Variants in ARB2A observed in about 807,000 individuals in gnomAD.
ARB2A encodes the protein cotranscriptional regulator ARB2A.
chr5:94,104,425 C>G, the ARB2A span, among the ~76,000 whole-genome samples: 2 of 151,312 alleles, frequency 1.3e-5, no homozygotes, highest in African/African-American at 4.8e-5. Flanking sequence ...GGATAAGTTC[C>G]TCAAAACATA....
the ARB2A span, among the ~76,000 whole-genome samples, chr5:93,753,393 C>T: frequency 6.6e-6 from 1 of 152,204 alleles, no homozygotes; most frequent in Non-Finnish European, 1.5e-5. Context: ...AAACAGTCAA[C>T]CTGGACTATT....
chr5:93,757,977 CAACT>C, the ARB2A span, among the ~76,000 whole-genome samples: 9 of 152,154 alleles, frequency 5.9e-5, no homozygotes, highest in Non-Finnish European at 1.0e-4. Context: ...ACTCACCAAC[CAACT>C]ATCTGCTGCC....
chr5:93,814,333 A>G, the ARB2A span, among the ~76,000 whole-genome samples: 2 of 152,194 alleles, frequency 1.3e-5, no homozygotes, highest in Non-Finnish European at 2.9e-5. Context: ...TACCAGTTAA[A>G]AAAAGAATTC....
the ARB2A span, among the ~76,000 whole-genome samples, chr5:93,636,266 C>G: frequency 6.6e-6 from 1 of 152,156 alleles, no homozygotes; most frequent in African/African-American, 2.4e-5. Context: ...TGGAATTGTT[C>G]TAAAGCCCAG....
At chr5:93,714,409 A>G in the ARB2A span, among the ~76,000 whole-genome samples, 1 of 152,204 alleles carries the variant, frequency 6.6e-6, no homozygotes, top group African/African-American at 2.4e-5. Flanking sequence ...ATGCTTCCCA[A>G]CACTTCAGAA....
chr5:93,988,169 G>A, the ARB2A span, among the ~76,000 whole-genome samples: 1 of 152,062 alleles, frequency 6.6e-6, no homozygotes, highest in African/African-American at 2.4e-5. Flanking sequence ...CCTTGCTTCT[G>A]TAATCTCCTA....
At chr5:93,913,270 G>A in the ARB2A span, among the ~76,000 whole-genome samples, 1 of 151,928 alleles carries the variant, frequency 6.6e-6, no homozygotes, top group African/African-American at 2.4e-5. Flanking sequence ...TTTTCTGTCG[G>A]CCAGGAGAAA....
the ARB2A span, among the ~76,000 whole-genome samples, chr5:94,109,699 C>T: frequency 7.9e-5 from 12 of 152,300 alleles, no homozygotes; most frequent in Admixed American, 2.6e-4. Context: ...AAACACGCTC[C>T]TGTCTCAGTG....
chr5:93,861,419 A>G, the ARB2A span: 1 of 148,144 alleles, frequency 6.8e-6, no homozygotes, highest in South Asian at 2.1e-4. Flanking sequence ...TAACTGGATT[A>G]TGTACCACTT....
At chr5:93,622,086 A>C in the ARB2A span, among the ~76,000 whole-genome samples, 2 of 152,248 alleles carry the variant, frequency 1.3e-5, no homozygotes, top group Non-Finnish European at 2.9e-5. Flanking sequence ...TGCAAGCATA[A>C]GAACAGATGA....
At chr5:93,975,973 G>A in the ARB2A span, among the ~76,000 whole-genome samples, 6 of 152,038 alleles carry the variant, frequency 3.9e-5, no homozygotes, top group Non-Finnish European at 8.8e-5. Context: ...CTGATGAACA[G>A]AGACCAATCA....
the ARB2A span, among the ~76,000 whole-genome samples, chr5:94,085,260 A>G: frequency 6.6e-6 from 1 of 152,226 alleles, no homozygotes; most frequent in Non-Finnish European, 1.5e-5. Context: ...ATAACAAATT[A>G]CCTCAAAACA....
the ARB2A span, among the ~76,000 whole-genome samples, chr5:93,640,616 TTATATACA>T: frequency 6.7e-6 from 1 of 150,184 alleles, no homozygotes; most frequent in African/African-American, 2.5e-5. Flanking sequence ...GTATATATAC[TTATATACA>T]TATGTGTGTG....
At chr5:93,886,984 C>T in the ARB2A span, among the ~76,000 whole-genome samples, 2 of 151,676 alleles carry the variant, frequency 1.3e-5, no homozygotes, top group South Asian at 2.1e-4. Flanking sequence ...CTTCAAATAG[C>T]TCATCAAGTT....
the ARB2A span, among the ~76,000 whole-genome samples, chr5:94,061,355 A>G: frequency 6.6e-6 from 1 of 152,356 alleles, no homozygotes; most frequent in East Asian, 1.9e-4. Flanking sequence ...AACTAACGTA[A>G]TGCTTAATAG....
chr5:93,771,687 CA>C, the ARB2A span, among the ~76,000 whole-genome samples: 11 of 152,098 alleles, frequency 7.2e-5, no homozygotes, highest in African/African-American at 2.2e-4. Context: ...TTTATGCAGC[CA>C]AAAAACACAT....
At chr5:93,878,076 A>G in the ARB2A span, among the ~76,000 whole-genome samples, 18 of 148,984 alleles carry the variant, frequency 1.2e-4, no homozygotes, top group Admixed American at 1.1e-3. Context: ...ACCTTATACC[A>G]TTAATTTTTG....
chr5:93,671,282 G>A, the ARB2A span, among the ~76,000 whole-genome samples: 2 of 151,958 alleles, frequency 1.3e-5, no homozygotes, highest in African/African-American at 4.8e-5. Flanking sequence ...CATCCATTTT[G>A]TAATCAACTA....
chr5:93,727,104 A>T, the ARB2A span, among the ~76,000 whole-genome samples: 286 of 152,180 alleles, frequency 1.9e-3, 1 homozygote, highest in South Asian at 7.7e-3. Context: ...AGAAGATACT[A>T]GTTTGGTAGT....
Sources: allele counts gnomAD v4.1 joint callset (sites outside exome capture counted in the v4.1 genomes callset), GRCh38; gene constraint gnomAD v4.1.1; transcripts MANE v1.5; gene names NCBI Gene and HGNC (gene_info 2026-07-23, HGNC 2026-07-21).